The following LSAMP variants were observed in gnomAD, a reference collection of about 807,000 sequenced individuals.
LSAMP encodes limbic system associated membrane protein.
LSAMP carries 7 observed loss-of-function variants against 38.6 expected under a neutral mutation model. That is an observed-to-expected ratio of 0.18 (90% CI 0.10 to 0.34). The LOEUF (loss-of-function observed/expected upper bound fraction) is 0.34, where lower values mean the gene tolerates loss of function less well. LSAMP is among the 10% of genes least tolerant of loss of function. The pLI, the probability that LSAMP is intolerant of heterozygous loss-of-function variation, is 1.00. For missense variants in LSAMP, 313 were observed against 420.0 expected, an observed-to-expected ratio of 0.75 and a Z score of 2.23; for synonymous variants, 154 against 166.8, an observed-to-expected ratio of 0.92 and a Z score of 0.59.
intron 1 of LSAMP, among the ~76,000 whole-genome samples, chr3:116,339,537 A>G (rs755086954): frequency 5.9e-5 from 9 of 151,780 alleles, no homozygotes; most frequent in African/African-American, 1.2e-4. Flanking sequence ...ACACTTTCCC[A>G]TGGGGAAGTA....
chr3:116,163,391 C>T (rs553809463), intron 1 of LSAMP, among the ~76,000 whole-genome samples: 2 of 151,960 alleles, frequency 1.3e-5, no homozygotes, highest in African/African-American at 4.8e-5. Flanking sequence ...CAAGTCCCTA[C>T]AAAGGACATG....
intron 3 of LSAMP, among the ~76,000 whole-genome samples, chr3:116,008,570 T>C (rs959839560): frequency 6.6e-6 from 1 of 152,182 alleles, no homozygotes; most frequent in Non-Finnish European, 1.5e-5. Flanking sequence ...GCAACATTTT[T>C]CCTCCAACAT....
intron 2 of LSAMP, among the ~76,000 whole-genome samples, chr3:116,029,039 C>CT (rs34205063): frequency 6.6e-6 from 1 of 151,996 alleles, no homozygotes; most frequent in South Asian, 2.1e-4. Flanking sequence ...TAGCTGACTC[C>CT]TTTTTCCAAG....
intron 1 of LSAMP, among the ~76,000 whole-genome samples, chr3:116,170,380 A>C (rs1023195169): frequency 2.0e-5 from 3 of 152,198 alleles, no homozygotes; most frequent in Non-Finnish European, 4.4e-5. Flanking sequence ...ACTCTGTGAA[A>C]ATTTAACAAC....
chr3:116,004,261 G>T (rs1469976829), intron 3 of LSAMP, among the ~76,000 whole-genome samples: 1 of 151,938 alleles, frequency 6.6e-6, no homozygotes, highest in Non-Finnish European at 1.5e-5. Flanking sequence ...TGCTTTGAGG[G>T]TAAAAATTCA....
chr3:116,207,790 G>T (rs2046091341), intron 1 of LSAMP, among the ~76,000 whole-genome samples: 1 of 152,118 alleles, frequency 6.6e-6, no homozygotes, highest in Non-Finnish European at 1.5e-5. Context: ...AGTCTGATGG[G>T]CTTCCCTTTG....
At chr3:116,208,626 A>G (rs1166370393) in intron 1 of LSAMP, among the ~76,000 whole-genome samples, 1 of 151,976 alleles carries the variant, frequency 6.6e-6, no homozygotes, top group East Asian at 1.9e-4. Flanking sequence ...AACGGACAGG[A>G]CCCTCAGCTG....
intron 3 of LSAMP, among the ~76,000 whole-genome samples, chr3:115,853,782 A>G (rs1016835602): frequency 5.1e-4 from 77 of 152,224 alleles, no homozygotes; most frequent in African/African-American, 1.8e-3. Flanking sequence ...CTCCACTGTT[A>G]CACGAGTTAG....
chr3:116,303,803 A>G (rs888221443), intron 1 of LSAMP, among the ~76,000 whole-genome samples: 2 of 152,202 alleles, frequency 1.3e-5, no homozygotes, highest in Non-Finnish European at 2.9e-5. Flanking sequence ...GCGCAGAACA[A>G]TCATCTTTTA....
At chr3:115,818,527 C>T (rs551591274) in intron 6 of LSAMP, among the ~76,000 whole-genome samples, 4 of 151,872 alleles carry the variant, frequency 2.6e-5, no homozygotes, top group Admixed American at 2.6e-4. Context: ...TACTTACATG[C>T]ATCTTATAAA....
At chr3:115,873,657 T>G (rs1936107453) in intron 3 of LSAMP, among the ~76,000 whole-genome samples, 1 of 152,156 alleles carries the variant, frequency 6.6e-6, no homozygotes. Context: ...AGTTCATACC[T>G]TGCCGCTAAC....
At chr3:115,872,337 T>C (rs1315411865) in intron 3 of LSAMP, among the ~76,000 whole-genome samples, 1 of 152,186 alleles carries the variant, frequency 6.6e-6, no homozygotes, top group Non-Finnish European at 1.5e-5. Flanking sequence ...TTGTTATAAC[T>C]ACTTCAAGAG....
intron 2 of LSAMP, among the ~76,000 whole-genome samples, chr3:116,047,335 T>C (rs1467698353): frequency 6.6e-6 from 1 of 151,098 alleles, no homozygotes; most frequent in African/African-American, 2.4e-5. Context: ...ATCTTTTCCT[T>C]ACTGTTCCTA....
At chr3:116,281,421 G>A (rs1271694353) in intron 1 of LSAMP, among the ~76,000 whole-genome samples, 1 of 152,110 alleles carries the variant, frequency 6.6e-6, no homozygotes, top group African/African-American at 2.4e-5. Context: ...TAATTAGAAA[G>A]AATGACAGCT....
At chr3:115,825,838 A>C (rs1934389249) in intron 6 of LSAMP, among the ~76,000 whole-genome samples, 1 of 152,198 alleles carries the variant, frequency 6.6e-6, no homozygotes, top group African/African-American at 2.4e-5. Context: ...GAAGTATTCT[A>C]GCTATTCTGA....
In LSAMP at chr3:116,445,070, G is replaced by C. The variant is rs753376757; in HGVS notation, c.-39C>G. On this transcript the variant is annotated 5_prime_UTR_variant, in exon 1 of 7. Transcript: ENST00000490035. ...AGGTGCGGGTCCGCGGGGTGCTCTG[G>C]AGGGGTGCGCGCTGCTCGCGAGGAG... 6.3e-7 allele frequency: 1 copy of C among 1,586,942 alleles called. No homozygotes were observed. Among genetic ancestry groups the C allele is most frequent in the South Asian group, 1.2e-5 (1 of 86,372 alleles).
intron 1 of LSAMP, among the ~76,000 whole-genome samples, chr3:116,315,851 ATT>A (rs1165062490): frequency 6.6e-5 from 10 of 152,316 alleles, no homozygotes; most frequent in Non-Finnish European, 1.3e-4. Context: ...TAACTCCAGA[ATT>A]TGTGTCCTGG....
chr3:116,167,015 T>A (rs1174945783), intron 1 of LSAMP, among the ~76,000 whole-genome samples: 4 of 152,050 alleles, frequency 2.6e-5, no homozygotes, highest in Non-Finnish European at 5.9e-5. Flanking sequence ...ATGGTCTTGA[T>A]CTCCTGACCT....
intron 1 of LSAMP, among the ~76,000 whole-genome samples, chr3:116,204,534 G>T (rs1193584838): frequency 6.7e-6 from 1 of 150,352 alleles, no homozygotes; most frequent in African/African-American, 2.4e-5. Flanking sequence ...TATGGTTTTA[G>T]GTCTAACATT....
Sources: gnomAD v4.1 joint callset for allele counts (sites outside exome capture counted in the v4.1 genomes callset) on GRCh38, gnomAD v4.1.1 for gene constraint, MANE v1.5 for transcripts, NCBI Gene and HGNC (gene_info 2026-07-23, HGNC 2026-07-21) for gene names.